CDKAL1: variants seen among roughly 807,000 people sequenced by gnomAD.
The protein encoded by CDKAL1 is threonylcarbamoyladenosine tRNA methylthiotransferase.
Under a neutral mutation model 68.2 loss-of-function variants are expected in CDKAL1, and 32 were observed. That is an observed-to-expected ratio of 0.47 (90% CI 0.35 to 0.63). The LOEUF is 0.63. Ranked by LOEUF, CDKAL1 falls within the 30% of genes least tolerant of loss-of-function variation. The pLI, the probability that CDKAL1 is intolerant of heterozygous loss-of-function variation, is 0.00. For synonymous variants in CDKAL1, 234 were observed against 244.3 expected, an observed-to-expected ratio of 0.96 and a Z score of 0.39; for missense variants, 606 against 696.7, an observed-to-expected ratio of 0.87 and a Z score of 1.47.
At chr6:20,609,313 C>CTTCT (rs1766493633) in intron 4 of CDKAL1, among the ~76,000 whole-genome samples, 1 of 149,182 alleles carries the variant, frequency 6.7e-6, no homozygotes, top group Non-Finnish European at 1.5e-5. Flanking sequence ...CCTCCTCCTC[C>CTTCT]CCCCTCCTCT....
chr6:20,647,578 A>G (rs866239935), intron 4 of CDKAL1, among the ~76,000 whole-genome samples: 3 of 152,210 alleles, frequency 2.0e-5, no homozygotes, highest in Admixed American at 1.3e-4. Context: ...AATGATTTTC[A>G]GTGTACAAGA....
At chr6:20,813,212 G>T (rs1776897374) in intron 8 of CDKAL1, among the ~76,000 whole-genome samples, 1 of 152,072 alleles carries the variant, frequency 6.6e-6, no homozygotes. Flanking sequence ...CTCCCAAAGT[G>T]CTAGATTACA....
At chr6:20,745,811 G>A (rs62399302) in intron 6 of CDKAL1, among the ~76,000 whole-genome samples, 8,667 of 152,292 alleles carry the variant, frequency 0.057, 287 homozygotes, top group African/African-American at 0.098. Context: ...CCTGGGCCAC[G>A]TGGGGCCCAG....
intron 9 of CDKAL1, among the ~76,000 whole-genome samples, chr6:20,895,673 C>T (rs983760631): frequency 6.6e-6 from 1 of 152,146 alleles, no homozygotes; most frequent in African/African-American, 2.4e-5. Context: ...CATCAACAGT[C>T]GTGAGAAGTC....
chr6:20,670,288 A>T (rs1160133494), intron 5 of CDKAL1, among the ~76,000 whole-genome samples: 1 of 152,198 alleles, frequency 6.6e-6, no homozygotes. Context: ...TTTAATTTGT[A>T]ATACAATTAG....
intron 11 of CDKAL1, among the ~76,000 whole-genome samples, chr6:21,049,545 C>T (rs1473177134): frequency 6.6e-6 from 1 of 152,054 alleles, no homozygotes; most frequent in African/African-American, 2.4e-5. Flanking sequence ...ACAATATTAT[C>T]CAGTATGCTT....
intron 13 of CDKAL1, among the ~76,000 whole-genome samples, chr6:21,161,428 T>C (rs1378335110): frequency 1.3e-5 from 2 of 152,198 alleles, no homozygotes; most frequent in African/African-American, 4.8e-5. Flanking sequence ...CTACAGCTGG[T>C]GCATGCTGTA....
Position 20,576,330 on chromosome 6 carries a change from A to C in CDKAL1, c.286+27625A>C, listed in dbSNP as rs578019922. Among the ~76,000 whole-genome samples the C allele has an allele frequency of 2.6e-5, 4 of 152,338 alleles. No homozygotes were observed. The East Asian group carries it at 5.8e-4, about 22-fold the overall frequency. On this transcript the variant is annotated intron_variant, in intron 4 of 15. Coordinates refer to ENST00000274695, the MANE Select transcript of CDKAL1 (RefSeq NM_017774.3). ...GCATGATAGTGACACCTATCTTTTA[A>C]ACAAGTTCCAGAATTTTGTCAATTT...
chr6:20,988,671 G>C (rs2150790819), intron 10 of CDKAL1, among the ~76,000 whole-genome samples: 1 of 151,998 alleles, frequency 6.6e-6, no homozygotes, highest in East Asian at 1.9e-4. Context: ...TTTATTTTGA[G>C]ACTGAGTATC....
intron 4 of CDKAL1, among the ~76,000 whole-genome samples, chr6:20,564,919 C>G (rs1480789156): frequency 6.6e-6 from 1 of 152,068 alleles, no homozygotes; most frequent in Non-Finnish European, 1.5e-5. Flanking sequence ...AGGTCCAGGT[C>G]CTGCGAAGAG....
chr6:20,737,392 G>T (rs889247725), intron 5 of CDKAL1, among the ~76,000 whole-genome samples: 2 of 152,132 alleles, frequency 1.3e-5, no homozygotes, highest in Non-Finnish European at 2.9e-5. Context: ...CTTCATTACC[G>T]TGTTCTCTTA....
intron 13 of CDKAL1, among the ~76,000 whole-genome samples, chr6:21,171,106 T>C (rs1002899810): frequency 6.6e-6 from 1 of 152,180 alleles, no homozygotes; most frequent in Non-Finnish European, 1.5e-5. Context: ...AATTAATCAC[T>C]ATGGTCCAGC....
At chr6:21,191,995 T>A (rs1189241951) in intron 13 of CDKAL1, among the ~76,000 whole-genome samples, 2 of 38,982 alleles carry the variant, frequency 5.1e-5, no homozygotes, top group Non-Finnish European at 1.1e-4. Flanking sequence ...CATTTTTCTT[T>A]TTTTTTTTTT....
intron 7 of CDKAL1, among the ~76,000 whole-genome samples, chr6:20,767,502 AT>A (rs1253680443): frequency 2.0e-5 from 3 of 152,114 alleles, no homozygotes; most frequent in East Asian, 3.9e-4. Context: ...TATGGAAATA[AT>A]TTATTATGTC....
intron 13 of CDKAL1, among the ~76,000 whole-genome samples, chr6:21,187,116 A>T (rs1417734488): frequency 6.6e-6 from 1 of 152,062 alleles, no homozygotes; most frequent in Non-Finnish European, 1.5e-5. Flanking sequence ...TTGATAACAC[A>T]TCTCAATTGA....
chr6:20,610,413 C>G lies in CDKAL1; in HGVS notation c.287-38880C>G, dbSNP rs75399596. On this transcript the variant is annotated intron_variant, in intron 4 of 15. Coordinates refer to ENST00000274695, the MANE Select transcript of CDKAL1 (RefSeq NM_017774.3). ...TCCCACCAACATTGTATAAGCTTTT[C>G]CTTTTTCTCCCCAACCTTGCCAGCA... Among the ~76,000 whole-genome samples the G allele has an allele frequency of 4.7e-3, 717 of 152,252 alleles. 12 individuals carry two copies. The highest frequency in any genetic ancestry group is 0.016 in the African/African-American group (680 of 41,538).
chr6:21,037,335 G>A (rs1226287977), intron 11 of CDKAL1, among the ~76,000 whole-genome samples: 1 of 152,198 alleles, frequency 6.6e-6, no homozygotes, highest in African/African-American at 2.4e-5. Context: ...GGGGCAGGAT[G>A]CTTGTTTGAT....
At chr6:20,773,521 C>T (rs7453352) in intron 7 of CDKAL1, among the ~76,000 whole-genome samples, 60,170 of 151,972 alleles carry the variant, frequency 0.4, 12,169 homozygotes, top group Non-Finnish European at 0.43. Context: ...TTGATATGTA[C>T]GGTACATTTA....
At chr6:20,783,316 A>T (rs1339209351) in intron 8 of CDKAL1, among the ~76,000 whole-genome samples, 2 of 152,174 alleles carry the variant, frequency 1.3e-5, no homozygotes. Flanking sequence ...GGGTCTGTCA[A>T]ACTCTGTTAG....
Sources: allele counts gnomAD v4.1 joint callset (sites outside exome capture counted in the v4.1 genomes callset), GRCh38; gene constraint gnomAD v4.1.1; transcripts MANE v1.5; gene names NCBI Gene and HGNC (gene_info 2026-07-23, HGNC 2026-07-21).